ENTPD1: variants seen among roughly 807,000 people sequenced by gnomAD.
ENTPD1 encodes ATP diphosphohydrolase.
A neutral mutation model predicts 57.0 loss-of-function variants in ENTPD1; 33 were observed. The observed-to-expected ratio is 0.58, with a 90% CI of 0.44 to 0.77. ENTPD1 has a LOEUF of 0.77. Ranked by LOEUF, ENTPD1 falls within the 30% of genes least tolerant of loss-of-function variation. The pLI, the probability that ENTPD1 is intolerant of heterozygous loss-of-function variation, is 0.00. For synonymous variants in ENTPD1, 202 were observed against 218.8 expected (o/e 0.92, Z 0.68); for missense variants, 501 against 603.4 (o/e 0.83, Z 1.78).
Position 95,871,015 on chromosome 10 carries a change from G to C in ENTPD1, c.*4632G>C, listed in dbSNP as rs562905965. The C allele has an allele frequency of 4.8e-3, 4,735 of 985,396 alleles. 14 individuals carry two copies. Among genetic ancestry groups the C allele is most frequent in the Non-Finnish European group, 5.4e-3 (4,446 of 829,924 alleles). The allele number at this position is 985,396 out of a possible 1,614,324, so 61.0% of individuals were successfully genotyped here. A position where few individuals can be genotyped will look rare whatever the true frequency, so the allele number is the denominator to read the frequency against. On this transcript the variant is annotated 3_prime_UTR_variant, in exon 10 of 10. Coordinates refer to ENST00000371205, the MANE Select transcript of ENTPD1 (RefSeq NM_001776.6). ...TGTTCTCATGATGAACCCCGCAGAGGCTCGTGAAAGTGAGAGGAAACTAGG... is the reference window on the plus strand; with the variant it reads ...TGTTCTCATGATGAACCCCGCAGAGCCTCGTGAAAGTGAGAGGAAACTAGG...
At chr10:95,807,178 C>T (rs531621831) in intron 1 of ENTPD1, among the ~76,000 whole-genome samples, 1 of 152,218 alleles carries the variant, frequency 6.6e-6, no homozygotes, top group Non-Finnish European at 1.5e-5. Flanking sequence ...GTTCGCACTT[C>T]CAGGCCACTT....
chr10:95,720,513 GT>G (rs887507684), intron 1 of ENTPD1, among the ~76,000 whole-genome samples: 71 of 152,186 alleles, frequency 4.7e-4, no homozygotes, highest in African/African-American at 1.6e-3. Context: ...CTGGAGGACA[GT>G]TTTCCGGGAC....
chr10:95,838,893 C>T (rs549521782), intron 2 of ENTPD1, among the ~76,000 whole-genome samples: 16 of 152,302 alleles, frequency 1.1e-4, no homozygotes, highest in African/African-American at 2.6e-4. Context: ...TGTCATCTGT[C>T]CTTCTTCTCC....
chr10:95,755,207 T>C (rs1182840679), upstream of ENTPD1: 1 of 154,274 alleles, frequency 6.5e-6, no homozygotes, highest in African/African-American at 2.4e-5. Flanking sequence ...AGAGAGACCA[T>C]GTATGTGAGC....
At chr10:95,703,801 A>G in the ENTPD1 span, among the ~76,000 whole-genome samples, 1 of 99,612 alleles carries the variant, frequency 1.0e-5, no homozygotes, top group Non-Finnish European at 2.1e-5. Flanking sequence ...AAAAAAAAAA[A>G]AAGATCTGAC....
At position 95,873,559 on chromosome 10, in the gene ENTPD1, G is replaced by A. The variant is rs527594639; in HGVS notation, c.*7176G>A. 72 of 985,358 alleles carry A rather than the reference G, an allele frequency of 7.3e-5. No individual in the cohort carries two copies. In the East Asian group the frequency reaches 4.8e-3, roughly 65 times the overall value. The allele number at this position is 985,358 out of a possible 1,614,324, so 61.0% of individuals were successfully genotyped here. ...GTAGGTAGGTTATGCCAGCTCACAC[G>A]CATCCTTTAAAAATGGTTTAGAAGT... is the stretch of plus-strand genomic sequence containing the variant. On this transcript the variant is annotated 3_prime_UTR_variant, in exon 10 of 10. Coordinates refer to ENST00000371205, the MANE Select transcript of ENTPD1 (RefSeq NM_001776.6).
intron 4 of ENTPD1, 106 bp from the exon 5 acceptor site, chr10:95,844,370 T>C (rs541815909): frequency 6.8e-7 from 1 of 1,475,496 alleles, no homozygotes; most frequent in East Asian, 2.3e-5. Flanking sequence ...TTCCAGGGCA[T>C]TATGGTTCAC....
At chr10:95,864,219 C>A (rs950060284) in intron 8 of ENTPD1, among the ~76,000 whole-genome samples, 27 of 152,244 alleles carry the variant, frequency 1.8e-4, no homozygotes, top group African/African-American at 5.5e-4. Context: ...TTACTGTGCA[C>A]GTGAATCACC....
At chr10:95,796,494 T>C (rs1274230670) in intron 1 of ENTPD1, among the ~76,000 whole-genome samples, 2 of 152,120 alleles carry the variant, frequency 1.3e-5, no homozygotes, top group African/African-American at 4.8e-5. Flanking sequence ...AACATTTTAC[T>C]ATAAGGCAGG....
At chr10:95,796,114 A>G (rs900121807) in intron 1 of ENTPD1, among the ~76,000 whole-genome samples, 1 of 152,090 alleles carries the variant, frequency 6.6e-6, no homozygotes, top group Non-Finnish European at 1.5e-5. Flanking sequence ...CACTTTTTTG[A>G]TGGAAAACGT....
chr10:95,816,941 A>G, intron 1 of ENTPD1, among the ~76,000 whole-genome samples: 1 of 152,234 alleles, frequency 6.6e-6, no homozygotes. Flanking sequence ...ACTCTTTAGT[A>G]TAGGCTATTA....
chr10:95,829,646 C>T (rs2098390014), intron 2 of ENTPD1, among the ~76,000 whole-genome samples: 1 of 152,148 alleles, frequency 6.6e-6, no homozygotes, highest in Admixed American at 6.5e-5. Context: ...TATATTCATG[C>T]AGAGACAGTG....
Position 95,871,932 on chromosome 10 carries a change from T to C in ENTPD1, c.*5549T>C, listed in dbSNP as rs2098480917. 1.3e-5 allele frequency: 13 copies of C among 985,418 alleles called. No individual in the cohort carries two copies. Among genetic ancestry groups the C allele is most frequent in the Non-Finnish European group, 1.6e-5 (13 of 829,930 alleles). 61.0% of individuals were successfully genotyped at this position (985,418 alleles called of 1,614,324 possible). A position where few individuals can be genotyped will look rare whatever the true frequency, so the allele number is the denominator to read the frequency against. On this transcript the variant is annotated 3_prime_UTR_variant, in exon 10 of 10. Transcript: ENST00000371205. ...GTCTTGGGAGCTAGTCAGGGAATAGTGTGTATTTGCAATTACCTAAACTGA... is the reference window on the plus strand; with the variant it reads ...GTCTTGGGAGCTAGTCAGGGAATAGCGTGTATTTGCAATTACCTAAACTGA...
intron 1 of ENTPD1, among the ~76,000 whole-genome samples, chr10:95,764,240 C>G (rs910647716): frequency 1.5e-4 from 23 of 152,214 alleles, no homozygotes; most frequent in African/African-American, 5.5e-4. Flanking sequence ...TCTGGACATT[C>G]ATTTCATAGC....
At chr10:95,823,205 T>G (rs1055858489) in intron 1 of ENTPD1, 32 bp from the exon 2 acceptor site, 1 of 1,613,068 alleles carries the variant, frequency 6.2e-7, no homozygotes, top group Non-Finnish European at 8.5e-7. Flanking sequence ...TGATTTCTTG[T>G]TGGTATTTTT....
rs1196630628 is a variant in ENTPD1, at chr10:95,738,555, GA to G, written c.37+26565del. Among the ~76,000 whole-genome samples the G allele has an allele frequency of 2.0e-5, 3 of 152,144 alleles. No homozygotes were observed. In the East Asian group the frequency reaches 5.8e-4, roughly 29 times the overall value. ...AGGAGTTGTGTGTGGTCAGGGTCAA[GA>G]AAGGCAAAATTCGTCAGAGAAATGC... On this transcript the variant is annotated intron_variant, in intron 1 of 9. Coordinates refer to the ENTPD1 transcript ENST00000453258.
chr10:95,814,518 T>C (rs1016835911), intron 1 of ENTPD1, among the ~76,000 whole-genome samples: 2 of 152,146 alleles, frequency 1.3e-5, no homozygotes, highest in Non-Finnish European at 2.9e-5. Flanking sequence ...GAGCCTCAGG[T>C]TGGCTGAATC....
Position 95,732,278 on chromosome 10 carries a change from T to G in ENTPD1, c.37+20285T>G, listed in dbSNP as rs376305369. Among the ~76,000 whole-genome samples, 66 of 152,262 alleles carry G rather than the reference T, an allele frequency of 4.3e-4. 1 individual carries two copies. In the East Asian group the frequency reaches 0.011, roughly 25 times the overall value. On this transcript the variant is annotated intron_variant, in intron 1 of 9. Coordinates refer to the ENTPD1 transcript ENST00000453258. ...AGGATGGTGGCTGTTAGAGAAGAGC[T>G]TGTTCTGCCCTAGCTGTATTCTTCA...
chr10:95,719,145 A>G (rs911517219), intron 1 of ENTPD1, among the ~76,000 whole-genome samples: 2 of 152,234 alleles, frequency 1.3e-5, no homozygotes, highest in Admixed American at 1.3e-4. Flanking sequence ...CCCGTAAACA[A>G]TGAGGCCAAC....
Sources: gnomAD v4.1 joint callset for allele counts (sites outside exome capture counted in the v4.1 genomes callset) on GRCh38, gnomAD v4.1.1 for gene constraint, MANE v1.5 for transcripts, NCBI Gene and HGNC (gene_info 2026-07-23, HGNC 2026-07-21) for gene names.